Variants in RELN observed in about 807,000 individuals in gnomAD.
RELN encodes the protein reelin.
Under a neutral mutation model 427.6 loss-of-function variants are expected in RELN, and 108 were observed. The observed-to-expected ratio is 0.25, with a 90% CI of 0.22 to 0.30. RELN has a LOEUF of 0.30. Ranked by LOEUF, RELN falls within the 10% of genes least tolerant of loss-of-function variation. The pLI is 1.00. For synonymous variants in RELN, 1,524 were observed against 1,513.4 expected (o/e 1.01, Z -0.16); for missense variants, 3,715 against 4,302.8 (o/e 0.86, Z 3.82).
intron 12 of RELN, among the ~76,000 whole-genome samples, chr7:103,657,036 T>G (rs1833036330): frequency 6.6e-6 from 1 of 152,078 alleles, no homozygotes; most frequent in Non-Finnish European, 1.5e-5. Context: ...AGGATGGTTT[T>G]TGCAAAGCAT....
At chr7:103,673,912 T>TCTCCTCCTCTTCCCTGCCC (rs1554400922) in intron 11 of RELN, among the ~76,000 whole-genome samples, 1 of 151,178 alleles carries the variant, frequency 6.6e-6, no homozygotes, top group Non-Finnish European at 1.5e-5. Context: ...ACTATACCTT[T>TCTCCTCCTCTTCCCTGCCC]CTCCTCCTCT....
At chr7:103,512,124 G>A (rs866545532) in intron 50 of RELN, among the ~76,000 whole-genome samples, 15 of 150,982 alleles carry the variant, frequency 9.9e-5, no homozygotes, top group Non-Finnish European at 1.8e-4. Flanking sequence ...TATTTCTTTT[G>A]CATGACAGAA....
chr7:103,770,274 T>C lies in RELN; in HGVS notation c.544+6283A>G, dbSNP rs555798208. Among the ~76,000 whole-genome samples the C allele has an allele frequency of 2.0e-3, 303 of 152,222 alleles. 2 individuals carry two copies. The highest frequency in any genetic ancestry group is 6.7e-3 in the Admixed American group (103 of 15,286). On this transcript the variant is annotated intron_variant, in intron 4 of 64. Transcript: ENST00000428762. The stretch of plus-strand genomic sequence containing the variant: ...TAATTTTTTGTATTTTTAGTAGAGA[T>C]GGGGTTTCACTGTATTAGCCAAGAT...
At position 103,520,957 on chromosome 7, in the gene RELN, A is replaced by ATTTTTTTTTT. The variant is rs55830035; in HGVS notation, c.7668+1055_7668+1064dup. 6.1e-3 allele frequency among the ~76,000 whole-genome samples: 483 copies of ATTTTTTTTTT among 79,176 alleles called. 27 individuals are homozygous for ATTTTTTTTTT. The highest frequency in any genetic ancestry group is 0.011 in the Middle Eastern group (1 of 90). 51.9% of individuals were successfully genotyped at this position (79,176 alleles called of 152,430 possible). A position where few individuals can be genotyped will look rare whatever the true frequency, so the allele number is the denominator to read the frequency against. ...ATAAAGAGCTGGCAGTAAATTTGTT[A>ATTTTTTTTTT]TTTTTTTTTTTTTTTTTTTTTTTTT... On this transcript the variant is annotated intron_variant, in intron 48 of 64. Transcript: ENST00000428762.
At chr7:103,949,261 C>T (rs1796285209) in intron 1 of RELN, among the ~76,000 whole-genome samples, 1 of 151,926 alleles carries the variant, frequency 6.6e-6, no homozygotes, top group African/African-American at 2.4e-5. Context: ...AAGATCATAT[C>T]AAATTCAAAA....
chr7:103,765,374 G>T (rs1046115014), intron 4 of RELN, among the ~76,000 whole-genome samples: 2 of 152,110 alleles, frequency 1.3e-5, no homozygotes, highest in African/African-American at 4.8e-5. Context: ...CTTAACAATG[G>T]GATGGGAGAC....
rs371643338 is a variant in RELN at position 103,572,238 on chromosome 7, T to C, written c.4534A>G (p.Ile1512Val). The change falls in exon 31 of 65, where the codon ATT becomes GTT. Residue 1512 changes from isoleucine to valine, a missense_variant. Physicochemically the swap from Ile to Val is conservative, Grantham distance 29. Coordinates refer to ENST00000428762, the MANE Select transcript of RELN (RefSeq NM_005045.4). ...GTAATGCCTGAAGTTTTGCTTCCAA[T>C]TTGTATATAAAATTGAACAAGTCTG... ...NIRLVQFYIQ[I>V]GSKTSGITCI... 1.6e-5 allele frequency: 25 copies of C among 1,587,106 alleles called. No homozygotes were observed. Among genetic ancestry groups the C allele is most frequent in the Non-Finnish European group, 2.2e-5 (25 of 1,155,560 alleles).
intron 8 of RELN, 105 bp from the exon 9 acceptor site, chr7:103,701,111 G>A (rs564050466): frequency 1.4e-6 from 1 of 733,762 alleles, no homozygotes; most frequent in African/African-American, 1.7e-5. Context: ...TTAGATATTT[G>A]TCTGGTAACT....
chr7:103,744,124 C>T (rs1345467350), intron 6 of RELN, among the ~76,000 whole-genome samples: 1 of 152,140 alleles, frequency 6.6e-6, no homozygotes, highest in Non-Finnish European at 1.5e-5. Context: ...CAAAACCGCT[C>T]AACTACATGG....
intron 2 of RELN, among the ~76,000 whole-genome samples, chr7:103,890,931 C>G (rs1794835287): frequency 6.6e-6 from 1 of 152,106 alleles, no homozygotes; most frequent in African/African-American, 2.4e-5. Flanking sequence ...CAAAAATTAG[C>G]TGGGCATGGT....
At chr7:103,978,466 C>A (rs188921507) in intron 1 of RELN, among the ~76,000 whole-genome samples, 33 of 152,318 alleles carry the variant, frequency 2.2e-4, no homozygotes, top group Admixed American at 1.9e-3. Flanking sequence ...AGGAAGCACA[C>A]ACCTCGTTCA....
At chr7:103,517,305 G>C (rs964107148) in intron 49 of RELN, among the ~76,000 whole-genome samples, 2 of 151,784 alleles carry the variant, frequency 1.3e-5, no homozygotes, top group African/African-American at 2.4e-5. Flanking sequence ...TCTTCACACA[G>C]AGCAATGATC....
intron 12 of RELN, among the ~76,000 whole-genome samples, chr7:103,654,937 C>T (rs183426818): frequency 1.2e-4 from 18 of 152,082 alleles, no homozygotes; most frequent in African/African-American, 3.9e-4. Flanking sequence ...TGTCTTCTAA[C>T]CTATTATTTT....
intron 2 of RELN, among the ~76,000 whole-genome samples, chr7:103,906,842 C>T (rs1273705735): frequency 6.6e-6 from 1 of 152,176 alleles, no homozygotes; most frequent in Non-Finnish European, 1.5e-5. Flanking sequence ...GAACTATTTT[C>T]ACATCTGAGC....
At chr7:103,668,152 C>T (rs1053155370) in intron 11 of RELN, among the ~76,000 whole-genome samples, 1 of 152,120 alleles carries the variant, frequency 6.6e-6, no homozygotes. Context: ...ATAGCTTGAA[C>T]CTGAGAGGGG....
chr7:103,607,130 A>T (rs1262195885), intron 22 of RELN, among the ~76,000 whole-genome samples: 2 of 150,036 alleles, frequency 1.3e-5, no homozygotes, highest in Non-Finnish European at 3.0e-5. Flanking sequence ...CCATTAGGAG[A>T]TATACCTAAT....
intron 22 of RELN, among the ~76,000 whole-genome samples, chr7:103,608,160 G>A (rs362641): frequency 0.028 from 4,318 of 152,204 alleles, 201 homozygotes; most frequent in African/African-American, 0.098. Context: ...TTTCCCCAAT[G>A]CTTGAGAAAA....
At chr7:103,570,666 C>T (rs1433555159) in intron 31 of RELN, among the ~76,000 whole-genome samples, 1 of 152,188 alleles carries the variant, frequency 6.6e-6, no homozygotes, top group African/African-American at 2.4e-5. Flanking sequence ...GCTTCTTTTC[C>T]CTTCACCACA....
chr7:103,752,175 A>G (rs556587878), intron 5 of RELN, among the ~76,000 whole-genome samples: 1 of 152,326 alleles, frequency 6.6e-6, no homozygotes, highest in Admixed American at 6.5e-5. Context: ...GATAGATACT[A>G]TTATTAATTC....
Sources: allele counts gnomAD v4.1 joint callset (sites outside exome capture counted in the v4.1 genomes callset), GRCh38; gene constraint gnomAD v4.1.1; transcripts MANE v1.5; gene names NCBI Gene and HGNC (gene_info 2026-07-23, HGNC 2026-07-21).